Variants in DLG2 observed in about 807,000 individuals in gnomAD.
The protein encoded by DLG2 is discs large MAGUK scaffold protein 2, also known as disks large homolog 2.
A neutral mutation model predicts 132.5 loss-of-function variants in DLG2; 45 were observed. That is an observed-to-expected ratio of 0.34 (90% CI 0.27 to 0.44). The LOEUF is 0.44. Among genes scored for constraint, DLG2 ranks in the 20% least tolerant of loss-of-function variants. The probability of loss-of-function intolerance (pLI) is 1.00; values close to 1 mark genes in which losing one functional copy is unlikely to be tolerated. For missense variants in DLG2, 1,045 were observed against 1,196.9 expected, an observed-to-expected ratio of 0.87 and a Z score of 1.87; for synonymous variants, 424 against 419.6, an observed-to-expected ratio of 1.01 and a Z score of -0.13.
At chr11:84,777,689 G>T (rs1306555486) in intron 6 of DLG2, among the ~76,000 whole-genome samples, 1 of 151,816 alleles carries the variant, frequency 6.6e-6, no homozygotes, top group Admixed American at 6.6e-5. Flanking sequence ...TCTCACTGTG[G>T]TTTTAATTTG....
intron 7 of DLG2, among the ~76,000 whole-genome samples, chr11:84,313,484 CAAAGAAAG>C (rs149038962): frequency 0.095 from 11,009 of 115,432 alleles, 562 homozygotes; most frequent in Middle Eastern, 0.14. Context: ...ACATGATAGT[CAAAGAAAG>C]AAAGAAAGAA....
At chr11:85,432,348 C>T (rs1053137201) in intron 3 of DLG2, among the ~76,000 whole-genome samples, 1 of 152,134 alleles carries the variant, frequency 6.6e-6, no homozygotes, top group African/African-American at 2.4e-5. Flanking sequence ...CAGAAGTAGG[C>T]TTCAGAATCT....
chr11:85,038,691 A>G (rs1235106110), intron 6 of DLG2, among the ~76,000 whole-genome samples: 1 of 152,096 alleles, frequency 6.6e-6, no homozygotes, highest in African/African-American at 2.4e-5. Flanking sequence ...GGATGTCTTC[A>G]TGAAGTAAAA....
At chr11:85,588,018 T>C (rs2079077832) in intron 3 of DLG2, among the ~76,000 whole-genome samples, 1 of 152,214 alleles carries the variant, frequency 6.6e-6, no homozygotes. Context: ...AGGCTAAGGA[T>C]AGACCCCAAT....
intron 6 of DLG2, among the ~76,000 whole-genome samples, chr11:84,644,513 T>C (rs1380425954): frequency 1.3e-5 from 2 of 151,960 alleles, no homozygotes; most frequent in Non-Finnish European, 2.9e-5. Context: ...GAGACCATCC[T>C]GGCTAACACA....
intron 16 of DLG2, among the ~76,000 whole-genome samples, chr11:83,839,452 AT>A (rs2057051698): frequency 2.0e-5 from 3 of 152,146 alleles, no homozygotes; most frequent in Non-Finnish European, 1.5e-5. Flanking sequence ...TTTCACATAT[AT>A]TTTCCTGTTA....
intron 18 of DLG2, among the ~76,000 whole-genome samples, chr11:83,735,765 T>C (rs2091813443): frequency 6.6e-6 from 1 of 152,214 alleles, no homozygotes; most frequent in Non-Finnish European, 1.5e-5. Context: ...TTGGAATGAA[T>C]GAGACATAAG....
At chr11:84,311,013 TG>T in intron 7 of DLG2, among the ~76,000 whole-genome samples, 1 of 152,318 alleles carries the variant, frequency 6.6e-6, no homozygotes, top group Middle Eastern at 3.4e-3. Flanking sequence ...TACAAGCTTA[TG>T]GGAATGCTAC....
chr11:85,514,572 C>T (rs1430430077), intron 3 of DLG2, among the ~76,000 whole-genome samples: 1 of 151,876 alleles, frequency 6.6e-6, no homozygotes, highest in Non-Finnish European at 1.5e-5. Flanking sequence ...AGTTATCATT[C>T]CTCTAACAGA....
chr11:83,718,610 T>A (rs183632714), intron 18 of DLG2, among the ~76,000 whole-genome samples: 21 of 150,774 alleles, frequency 1.4e-4, no homozygotes, highest in African/African-American at 3.9e-4. Flanking sequence ...TCTTGATGGC[T>A]GGAAGATTGA....
At chr11:84,124,713 A>G (rs1331245835) in intron 9 of DLG2, among the ~76,000 whole-genome samples, 3 of 152,160 alleles carry the variant, frequency 2.0e-5, no homozygotes, top group Non-Finnish European at 4.4e-5. Context: ...TCTCATGGAT[A>G]TCTTATTTTG....
chr11:84,108,949 C>T (rs577504967), intron 9 of DLG2, among the ~76,000 whole-genome samples: 96 of 152,100 alleles, frequency 6.3e-4, no homozygotes, highest in African/African-American at 2.1e-3. Context: ...TCAAAGATGA[C>T]GTGACACATA....
chr11:84,844,135 GTATATATATATATATA>G (rs74200849), intron 6 of DLG2, among the ~76,000 whole-genome samples: 5 of 43,698 alleles, frequency 1.1e-4, no homozygotes, highest in Admixed American at 5.6e-4. Context: ...GTGTGTGTGT[GTATATATATATATATA>G]TATATATATA....
intron 3 of DLG2, among the ~76,000 whole-genome samples, chr11:85,427,908 C>T (rs1260499922): frequency 6.6e-6 from 1 of 152,036 alleles, no homozygotes; most frequent in Non-Finnish European, 1.5e-5. Flanking sequence ...CACACATAGG[C>T]TCAAAATAAA....
At chr11:84,799,446 C>T (rs1340293221) in intron 6 of DLG2, among the ~76,000 whole-genome samples, 2 of 152,158 alleles carry the variant, frequency 1.3e-5, no homozygotes, top group Admixed American at 1.3e-4. Flanking sequence ...CTCTTCAGTG[C>T]CTCTTTCAGT....
intron 17 of DLG2, among the ~76,000 whole-genome samples, chr11:83,800,548 G>T (rs1362675651): frequency 6.6e-6 from 1 of 152,166 alleles, no homozygotes; most frequent in African/African-American, 2.4e-5. Context: ...CTCAAGACTA[G>T]AATCCTTCTG....
intron 14 of DLG2, among the ~76,000 whole-genome samples, chr11:83,935,250 C>T (rs1477425571): frequency 6.6e-6 from 1 of 152,166 alleles, no homozygotes; most frequent in East Asian, 1.9e-4. Flanking sequence ...AAGGGTGCCT[C>T]ATGCTCCTCT....
At chr11:84,509,718 G>A (rs1184465560) in intron 7 of DLG2, among the ~76,000 whole-genome samples, 1 of 151,980 alleles carries the variant, frequency 6.6e-6, no homozygotes, top group Non-Finnish European at 1.5e-5. Flanking sequence ...CAAAATAGTG[G>A]GTGAATTGAG....
chr11:84,900,161 C>T (rs534884305), intron 6 of DLG2, among the ~76,000 whole-genome samples: 22 of 152,116 alleles, frequency 1.4e-4, no homozygotes, highest in Middle Eastern at 3.4e-3. Context: ...TTGTCAGAGG[C>T]AATACTGAAT....
Sources: gnomAD v4.1 joint callset for allele counts (sites outside exome capture counted in the v4.1 genomes callset) on GRCh38, gnomAD v4.1.1 for gene constraint, MANE v1.5 for transcripts, NCBI Gene and HGNC (gene_info 2026-07-23, HGNC 2026-07-21) for gene names.